DSCAML1: variants seen among roughly 807,000 people sequenced by gnomAD.
DSCAML1 encodes cell adhesion molecule DSCAML1.
DSCAML1 carries 38 observed loss-of-function variants against 200.5 expected under a neutral mutation model. The observed-to-expected ratio is 0.19, with a 90% CI of 0.15 to 0.25. DSCAML1 has a LOEUF of 0.25. DSCAML1 is among the 10% of genes least tolerant of loss of function. The pLI is 1.00. For missense variants in DSCAML1, 2,223 were observed against 2,858.8 expected (o/e 0.78, Z 5.07); for synonymous variants, 1,215 against 1,165.0 (o/e 1.04, Z -0.87).
At chr11:117,759,076 C>G (rs2054751293) in intron 3 of DSCAML1, among the ~76,000 whole-genome samples, 1 of 152,136 alleles carries the variant, frequency 6.6e-6, no homozygotes, top group Non-Finnish European at 1.5e-5. Context: ...CTTAGAGGAC[C>G]CCAATACAAA....
chr11:117,739,410 C>T (rs187636530), intron 3 of DSCAML1, among the ~76,000 whole-genome samples: 4 of 152,284 alleles, frequency 2.6e-5, no homozygotes, highest in East Asian at 1.9e-4. Flanking sequence ...GCCCCCCAGC[C>T]GATACTGTTG....
At position 117,462,644 on chromosome 11, in the gene DSCAML1, G is replaced by A. The variant is rs537707467; in HGVS notation, c.3266-1048C>T. On this transcript the variant is annotated intron_variant, in intron 17 of 32. Transcript: ENST00000651296. ...ATGATTATTGTTTCATATTACTTAG[G>A]TGTAAAAATATAAGCACCATGTAAT... Among the ~76,000 whole-genome samples the A allele has an allele frequency of 3.1e-3, 477 of 152,280 alleles. 1 individual carries two copies. Among genetic ancestry groups the A allele is most frequent in the Non-Finnish European group, 3.7e-3 (255 of 68,024 alleles).
At chr11:117,561,229 C>T (rs959297332) in intron 3 of DSCAML1, among the ~76,000 whole-genome samples, 1 of 152,224 alleles carries the variant, frequency 6.6e-6, no homozygotes, top group African/African-American at 2.4e-5. Flanking sequence ...TCAGATCCCT[C>T]CCTAATGGGA....
rs562900727 is a variant in DSCAML1 at position 117,808,995 on chromosome 11, G to A, written c.-250+8395C>T. ...AGGGCTGCCCAGGTGGTCAGTGACC[G>A]AGCCAAGCTCACGCCCACGCCTGTC... On this transcript the variant is annotated intron_variant, in intron 1 of 2. Coordinates refer to the DSCAML1 transcript ENST00000525836. Among the ~76,000 whole-genome samples the A allele has an allele frequency of 6.6e-5, 10 of 152,282 alleles. No homozygotes were observed. The South Asian group carries it at 1.7e-3, about 25-fold the overall frequency.
Position 117,810,321 on chromosome 11 carries a change from T to C in DSCAML1, c.-250+7069A>G, listed in dbSNP as rs192737218. Among the ~76,000 whole-genome samples, 779 of 152,146 alleles carry C rather than the reference T, an allele frequency of 5.1e-3. 6 individuals are homozygous for C. Among genetic ancestry groups the C allele is most frequent in the African/African-American group, 0.018 (753 of 41,500 alleles). On this transcript the variant is annotated intron_variant, in intron 1 of 2. Coordinates refer to the DSCAML1 transcript ENST00000525836. ...TCAACCCCTTCTCCTTCACCCTTAG[T>C]GGCAAGTCCCGCTTTTCTAGGGGGC...
chr11:117,674,947 C>A (rs2053181023), intron 3 of DSCAML1, among the ~76,000 whole-genome samples: 1 of 152,092 alleles, frequency 6.6e-6, no homozygotes, highest in Admixed American at 6.6e-5. Flanking sequence ...TAGATTTGTG[C>A]AAGGTAAAAT....
At chr11:117,500,176 C>T (rs1451157693) in intron 11 of DSCAML1, among the ~76,000 whole-genome samples, 3 of 152,202 alleles carry the variant, frequency 2.0e-5, no homozygotes, top group African/African-American at 7.2e-5. Context: ...CCTTCAAGCC[C>T]TAATTAGAGA....
rs147609943 is a variant in DSCAML1, at chr11:117,765,051, A to G, written c.511+11740T>C. 5.6e-3 allele frequency among the ~76,000 whole-genome samples: 858 copies of G among 152,216 alleles called. 7 individuals are homozygous for G. Among genetic ancestry groups the G allele is most frequent in the African/African-American group, 0.02 (819 of 41,536 alleles). ...GGATTCTGGCAGATCCTGTGACCCT[A>G]AAGGCTTGGGTATTCAGACATACTT... On this transcript the variant is annotated intron_variant, in intron 3 of 32. Coordinates refer to ENST00000651296, the MANE Select transcript of DSCAML1 (RefSeq NM_020693.4).
chr11:117,431,452 A>T, intron 31 of DSCAML1, 82 bp downstream of exon 31: 1 of 1,326,306 alleles, frequency 7.5e-7, no homozygotes, highest in Non-Finnish European at 1.0e-6. Flanking sequence ...GGTGGGTAGA[A>T]GCTGGGAAGA....
rs74598803 is a variant in DSCAML1 at position 117,552,574 on chromosome 11, A to G, written c.512-20052T>C. Among the ~76,000 whole-genome samples, 1,418 of 152,252 alleles carry G rather than the reference A, an allele frequency of 9.3e-3. 28 individuals are homozygous for G. The highest frequency in any genetic ancestry group is 0.033 in the African/African-American group (1,358 of 41,536). On this transcript the variant is annotated intron_variant, in intron 3 of 32. Transcript: ENST00000651296. ...TCATTTCCTCACCTTGAAAACAGAG[A>G]TTAACGAAATCCTACCCTATCTACT...
chr11:117,755,110 G>C (rs948978308), intron 3 of DSCAML1, among the ~76,000 whole-genome samples: 1 of 152,186 alleles, frequency 6.6e-6, no homozygotes, highest in South Asian at 2.1e-4. Context: ...TCTGTAGTCT[G>C]AGGAAATTGT....
chr11:117,709,735 G>A (rs1264794539), intron 3 of DSCAML1: 1 of 454,886 alleles, frequency 2.2e-6, no homozygotes, highest in Admixed American at 2.3e-5. Context: ...AGCCAATAAG[G>A]CAACATCTTC....
chr11:117,707,813 G>A (rs1036982643), intron 3 of DSCAML1, among the ~76,000 whole-genome samples: 2 of 152,120 alleles, frequency 1.3e-5, no homozygotes, highest in South Asian at 2.1e-4. Context: ...GATTACAGGC[G>A]CGAGCCACCG....
intron 3 of DSCAML1, among the ~76,000 whole-genome samples, chr11:117,769,179 A>T (rs1456716903): frequency 0.013 from 334 of 26,160 alleles, 1 homozygote; most frequent in Admixed American, 0.03. Context: ...TTTTATATAT[A>T]TTATACATAT....
chr11:117,578,943 T>A (rs2050996599), intron 3 of DSCAML1, among the ~76,000 whole-genome samples: 1 of 152,194 alleles, frequency 6.6e-6, no homozygotes, highest in Non-Finnish European at 1.5e-5. Flanking sequence ...AGTCTTCCCA[T>A]TCCCCATGAA....
intron 6 of DSCAML1, among the ~76,000 whole-genome samples, chr11:117,519,739 GA>G (rs2049850934): frequency 1.3e-5 from 2 of 152,334 alleles, no homozygotes; most frequent in East Asian, 3.9e-4. Context: ...AGGATTGCTT[GA>G]ACTCAGGAGT....
At chr11:117,444,270 GT>G (rs2048131620) in intron 20 of DSCAML1, among the ~76,000 whole-genome samples, 1 of 152,214 alleles carries the variant, frequency 6.6e-6, no homozygotes, top group African/African-American at 2.4e-5. Context: ...GTCAGCCTCA[GT>G]TTACCTCTTT....
intron 8 of DSCAML1, among the ~76,000 whole-genome samples, chr11:117,514,815 C>T (rs2049724161): frequency 6.6e-6 from 1 of 152,154 alleles, no homozygotes; most frequent in African/African-American, 2.4e-5. Flanking sequence ...CTCCTGACCT[C>T]AGGTGATCCG....
intron 3 of DSCAML1, among the ~76,000 whole-genome samples, chr11:117,693,500 C>G (rs796687034): frequency 1.1e-4 from 17 of 152,306 alleles, no homozygotes; most frequent in Middle Eastern, 3.4e-3. Flanking sequence ...CTGCACCCCC[C>G]CATTTGACAT....
Sources: allele counts gnomAD v4.1 joint callset (sites outside exome capture counted in the v4.1 genomes callset), GRCh38; gene constraint gnomAD v4.1.1; transcripts MANE v1.5; gene names NCBI Gene and HGNC (gene_info 2026-07-23, HGNC 2026-07-21).